Variants in BCAS3 observed in about 807,000 individuals in gnomAD.
The protein encoded by BCAS3 is BCAS4/BCAS3 fusion.
BCAS3 carries 53 observed loss-of-function variants against 116.1 expected under a neutral mutation model. That is an observed-to-expected ratio of 0.46 (90% confidence interval 0.37 to 0.57). The LOEUF is 0.57. BCAS3 is among the 20% of genes least tolerant of loss of function. The pLI is 0.00. For missense variants in BCAS3, 917 were observed against 1,165.4 expected (o/e 0.79, Z 3.10); for synonymous variants, 391 against 408.2 (o/e 0.96, Z 0.51).
rs2070999237 is a variant in BCAS3 at position 61,068,755 on chromosome 17, C to T, written c.2030-6165C>T. Reference sequence around the variant, plus strand: ...CCTCTTTGTGACCCTCTTTTTTCCCCTTTCTGTCTCTGCCAGTCTCGCTCC... The same window carrying T: ...CCTCTTTGTGACCCTCTTTTTTCCCTTTTCTGTCTCTGCCAGTCTCGCTCC... On this transcript the variant is annotated intron_variant, in intron 19 of 23. Coordinates refer to ENST00000407086, the MANE Select transcript of BCAS3 (RefSeq NM_017679.5). This position sits in a 1 kb window ranked among gnomAD's most constrained non-coding sequence, Gnocchi z 4.3. Among the ~76,000 whole-genome samples, 1 of 152,142 alleles carries T rather than the reference C, an allele frequency of 6.6e-6. No individual in the cohort carries two copies. Among genetic ancestry groups the T allele is most frequent in the Non-Finnish European group, 1.5e-5 (1 of 68,030 alleles).
chr17:61,375,346 A>G (rs553577236), intron 23 of BCAS3, among the ~76,000 whole-genome samples: 1 of 151,990 alleles, frequency 6.6e-6, no homozygotes, highest in Non-Finnish European at 1.5e-5. Flanking sequence ...TATGTACCAA[A>G]TAACTAATCC....
intron 4 of BCAS3, among the ~76,000 whole-genome samples, chr17:60,707,490 C>T (rs940816296): frequency 3.9e-5 from 6 of 152,182 alleles, no homozygotes; most frequent in African/African-American, 1.2e-4. Context: ...GTCAAGTGTA[C>T]TTTTCCCCTT....
intron 7 of BCAS3, among the ~76,000 whole-genome samples, chr17:60,815,987 C>CT (rs2049352026): frequency 6.6e-6 from 1 of 152,094 alleles, no homozygotes; most frequent in Admixed American, 6.6e-5. Context: ...TTTAGTATCA[C>CT]TTTTTTATGA....
rs961077460 is a variant in BCAS3 at position 61,077,235 on chromosome 17, C to T, written c.2131-1098C>T. Among the ~76,000 whole-genome samples the T allele has an allele frequency of 2.6e-5, 4 of 151,846 alleles. No individual in the cohort carries two copies. Among genetic ancestry groups the T allele is most frequent in the African/African-American group, 9.7e-5 (4 of 41,332 alleles). ...TTTATAATGTTTAATAAAGTATTGGCGGCCGGGCGCAGTGGCTCACGCCTG... is the reference window on the plus strand; with the variant it reads ...TTTATAATGTTTAATAAAGTATTGGTGGCCGGGCGCAGTGGCTCACGCCTG... On this transcript the variant is annotated intron_variant, in intron 20 of 23. Transcript: ENST00000407086. This position sits in a 1 kb window ranked among gnomAD's most constrained non-coding sequence, Gnocchi z 4.3.
At chr17:60,921,853 A>G (rs894116019) in intron 12 of BCAS3, among the ~76,000 whole-genome samples, 1 of 152,084 alleles carries the variant, frequency 6.6e-6, no homozygotes, top group African/African-American at 2.4e-5. Context: ...ATAGAATTAG[A>G]GTGGCCATAG....
intron 6 of BCAS3, among the ~76,000 whole-genome samples, chr17:60,772,582 A>T (rs1045622270): frequency 1.3e-5 from 2 of 152,118 alleles, no homozygotes; most frequent in East Asian, 3.8e-4. Flanking sequence ...GGATATCTTT[A>T]AAAAGGCTTA....
intron 15 of BCAS3, among the ~76,000 whole-genome samples, chr17:61,011,691 G>A (rs761590209): frequency 6.6e-6 from 1 of 152,136 alleles, no homozygotes; most frequent in Non-Finnish European, 1.5e-5. Context: ...AGGCAGCCTG[G>A]TGGAGTCTCC....
At chr17:60,775,954 G>A (rs2045244769) in intron 6 of BCAS3, among the ~76,000 whole-genome samples, 1 of 152,200 alleles carries the variant, frequency 6.6e-6, no homozygotes, top group Non-Finnish European at 1.5e-5. Flanking sequence ...TGTACTCAGT[G>A]CTCAAAGTGG....
At chr17:61,038,179 A>G in intron 18 of BCAS3, 125 bp downstream of exon 18, 1 of 788,176 alleles carries the variant, frequency 1.3e-6, no homozygotes, top group Non-Finnish European at 1.9e-6. Flanking sequence ...TAACATGGTA[A>G]ACAAATACAT....
chr17:61,078,227 TG>T, intron 20 of BCAS3, 105 bp from the exon 21 acceptor site: 1 of 854,558 alleles, frequency 1.2e-6, no homozygotes, highest in Non-Finnish European at 1.8e-6. Context: ...CACTTTAACA[TG>T]GGCTTCTTGA....
At chr17:61,178,806 A>G (rs1238015185) in intron 22 of BCAS3, among the ~76,000 whole-genome samples, 2 of 152,168 alleles carry the variant, frequency 1.3e-5, no homozygotes, top group Admixed American at 6.6e-5. Flanking sequence ...CAAATTTAAC[A>G]CCCTGGGTGT....
intron 4 of BCAS3, among the ~76,000 whole-genome samples, chr17:60,699,135 A>G (rs1259889118): frequency 1.3e-5 from 2 of 152,018 alleles, no homozygotes; most frequent in African/African-American, 4.8e-5. Flanking sequence ...TAAATAAAAC[A>G]GAATTGATAT....
At chr17:61,336,338 T>G (rs1299167009) in intron 22 of BCAS3, among the ~76,000 whole-genome samples, 2 of 152,260 alleles carry the variant, frequency 1.3e-5, no homozygotes, top group Non-Finnish European at 2.9e-5. Flanking sequence ...CAAATACTAT[T>G]AAGCTTTTTG....
At position 61,105,653 on chromosome 17, in the gene BCAS3, C is replaced by A. The variant is rs2074599263; in HGVS notation, c.2425+21089C>A. Among the ~76,000 whole-genome samples, 1 of 151,994 alleles carries A rather than the reference C, an allele frequency of 6.6e-6. No homozygotes were observed. The highest frequency in any genetic ancestry group is 2.4e-5 in the African/African-American group (1 of 41,374). ...TGTTGGTCAGGCTGGTCTCGAACTC[C>A]CCACCTCAGGTGATCCACCTGCCTC... On this transcript the variant is annotated intron_variant, in intron 22 of 23. Transcript: ENST00000407086. The surrounding 1 kb of genome is among the most constrained non-coding windows in gnomAD (Gnocchi z 4.3).
chr17:61,045,987 ATT>A (rs1422459012), intron 19 of BCAS3, among the ~76,000 whole-genome samples: 16 of 9,434 alleles, frequency 1.7e-3, no homozygotes, highest in African/African-American at 0.014. Flanking sequence ...TTATATATAT[ATT>A]TATATATATA....
rs2063455908 is a variant in BCAS3, at chr17:60,990,498, T to A, written c.1486+263T>A. Among the ~76,000 whole-genome samples the A allele has an allele frequency of 6.6e-6, 1 of 152,210 alleles. No homozygotes were observed. The highest frequency in any genetic ancestry group is 1.5e-5 in the Non-Finnish European group (1 of 68,028). ...ATTTATGGAATATAAAACTTGGAAC[T>A]ATTTTTATAACTTCAGAGAACTGAA... On this transcript the variant is annotated intron_variant, in intron 15 of 23. Coordinates refer to ENST00000407086, the MANE Select transcript of BCAS3 (RefSeq NM_017679.5). This position sits in a 1 kb window ranked among gnomAD's most constrained non-coding sequence, Gnocchi z 5.1.
intron 6 of BCAS3, among the ~76,000 whole-genome samples, chr17:60,756,263 A>G (rs12943486): frequency 0.73 from 111,527 of 151,754 alleles, 46,854 homozygotes; most frequent in South Asian, 0.99. Context: ...TAATGCCACC[A>G]CTTACCTAAC....
At chr17:60,902,834 G>A (rs1230529372) in intron 11 of BCAS3, 131 bp downstream of exon 11, 3 of 700,018 alleles carry the variant, frequency 4.3e-6, no homozygotes, top group Non-Finnish European at 7.2e-6. Flanking sequence ...TTTTAAGTCT[G>A]TTAACTAGCT....
intron 22 of BCAS3, among the ~76,000 whole-genome samples, chr17:61,240,466 C>A (rs2047414636): frequency 6.6e-6 from 1 of 152,080 alleles, no homozygotes; most frequent in Non-Finnish European, 1.5e-5. Context: ...GCCTGGCCAA[C>A]ATGGTGAAAC....
Sources: gnomAD v4.1 joint callset for allele counts (sites outside exome capture counted in the v4.1 genomes callset) on GRCh38, gnomAD v4.1.1 for gene constraint, Gnocchi (gnomAD v3.1) non-coding constraint, MANE v1.5 for transcripts, NCBI Gene and HGNC (gene_info 2026-07-23, HGNC 2026-07-21) for gene names.